The following MNS1 variants were observed in gnomAD, a reference collection of about 807,000 sequenced individuals.
MNS1 encodes the protein meiosis specific nuclear structural 1.
MNS1 carries 63 observed loss-of-function variants against 72.0 expected under a neutral mutation model. That is an observed-to-expected ratio of 0.87 (90% CI 0.71 to 1.08). MNS1 has a LOEUF of 1.08. MNS1 is among the 50% of genes least tolerant of loss of function. The pLI is 0.00. For missense variants in MNS1, 604 were observed against 562.4 expected, an observed-to-expected ratio of 1.07 and a Z score of -0.75; for synonymous variants, 188 against 172.1, an observed-to-expected ratio of 1.09 and a Z score of -0.72.
intron 7 of MNS1, among the ~76,000 whole-genome samples, chr15:56,436,790 A>G (rs2050733613): frequency 6.6e-6 from 1 of 152,200 alleles, no homozygotes; most frequent in South Asian, 2.1e-4. Context: ...CACAGATCCA[A>G]CGGAAATACT....
At chr15:56,451,305 G>A (rs2050945437) in intron 3 of MNS1, among the ~76,000 whole-genome samples, 2 of 152,286 alleles carry the variant, frequency 1.3e-5, no homozygotes, top group South Asian at 4.1e-4. Context: ...GTCCTGCATT[G>A]GGAACAAGGG....
chr15:56,429,292 A>C (rs1187067219), intron 9 of MNS1, 99 bp from the exon 10 acceptor site: 4 of 738,540 alleles, frequency 5.4e-6, no homozygotes, highest in East Asian at 2.8e-5. Flanking sequence ...GTTATCTCCA[A>C]GGTAATGAAA....
At chr15:56,455,649 G>T (rs1189558213) in intron 3 of MNS1, among the ~76,000 whole-genome samples, 1 of 152,154 alleles carries the variant, frequency 6.6e-6, no homozygotes, top group African/African-American at 2.4e-5. Context: ...TTCCTAAAAA[G>T]TAATTCGATC....
chr15:56,461,632 G>A (rs971203090), intron 2 of MNS1, among the ~76,000 whole-genome samples: 1 of 123,332 alleles, frequency 8.1e-6, no homozygotes, highest in African/African-American at 3.1e-5. Context: ...CTGCACTCCA[G>A]CCTGGGAGAC....
intron 5 of MNS1, among the ~76,000 whole-genome samples, 166 bp downstream of exon 5, chr15:56,444,278 A>G (rs1440093441): frequency 6.6e-6 from 1 of 152,042 alleles, no homozygotes; most frequent in Non-Finnish European, 1.5e-5. Context: ...AATTATGCTA[A>G]CGGAGATGAG....
At chr15:56,433,678 C>T (rs1453531682) in intron 8 of MNS1, among the ~76,000 whole-genome samples, 1 of 152,066 alleles carries the variant, frequency 6.6e-6, no homozygotes, top group East Asian at 1.9e-4. Flanking sequence ...TCACTTGAAT[C>T]GTCTTTCAAA....
intron 7 of MNS1, among the ~76,000 whole-genome samples, chr15:56,438,483 A>G (rs183214791): frequency 1.4e-3 from 219 of 152,324 alleles, no homozygotes; most frequent in Non-Finnish European, 2.7e-3. Context: ...CACCTTATAC[A>G]AAAATTAATT....
chr15:56,454,930 A>G (rs2050971127), intron 3 of MNS1, among the ~76,000 whole-genome samples: 1 of 152,176 alleles, frequency 6.6e-6, no homozygotes, highest in Non-Finnish European at 1.5e-5. Flanking sequence ...ACTAAAGTGC[A>G]CAAATCTTAA....
intron 7 of MNS1, among the ~76,000 whole-genome samples, chr15:56,439,375 C>T (rs534859842): frequency 6.6e-6 from 1 of 151,894 alleles, no homozygotes; most frequent in East Asian, 1.9e-4. Flanking sequence ...TATCAAAATC[C>T]CAGCAAAAAA....
intron 7 of MNS1, among the ~76,000 whole-genome samples, chr15:56,442,948 CCT>C (rs1290996744): frequency 1.4e-4 from 21 of 151,860 alleles, no homozygotes; most frequent in African/African-American, 4.4e-4. Flanking sequence ...TGTGGATTTG[CCT>C]CTTTCTCCTT....
At chr15:56,445,565 T>C (rs1279821620) in intron 4 of MNS1, 1 of 152,084 alleles carries the variant, frequency 6.6e-6, no homozygotes, top group African/African-American at 2.4e-5. Context: ...TCTGATTATC[T>C]TCTTTGTACA....
Position 56,464,246 on chromosome 15 carries a change from C to T in MNS1, c.5G>A (p.Gly2Asp), listed in dbSNP as rs746847536. 47 of 1,579,802 alleles carry T rather than the reference C, an allele frequency of 3.0e-5. 1 individual carries two copies. In the South Asian group the frequency reaches 5.3e-4, roughly 18 times the overall value. The change falls in exon 2 of 10, where the codon GGT becomes GAT. Residue 2 changes from glycine to aspartate, a missense_variant and splice_region_variant. Physicochemically the swap from Gly to Asp is moderately conservative, Grantham distance 94 (BLOSUM62 -1). Coordinates refer to ENST00000260453, the MANE Select transcript of MNS1 (RefSeq NM_018365.4). Reference protein sequence around the residue: MGSKRRNLSCSE... With the variant: MDSKRRNLSCSE... ...ACAGCTCAAATTTCTCCTTTTGGAA[C>T]CCTACGATGGAAGAAAAAAAAAGAT... is the stretch of plus-strand genomic sequence containing the variant.
At position 56,463,814 on chromosome 15, in the gene MNS1, G is replaced by C; in HGVS notation, c.225+212C>G. On this transcript the variant is annotated intron_variant, in intron 2 of 9. Transcript: ENST00000260453. Reference sequence around the variant, plus strand: ...AAAAAAGTAAAAGCAACTTACTCAAGGGTCCGTAGCTAAGGTATAGCAGTA... The same window carrying C: ...AAAAAAGTAAAAGCAACTTACTCAACGGTCCGTAGCTAAGGTATAGCAGTA... 4 of 492,540 alleles carry C rather than the reference G, an allele frequency of 8.1e-6. No homozygotes were observed. The East Asian group carries it at 9.9e-5, about 12-fold the overall frequency. 30.5% of individuals were successfully genotyped at this position (492,540 alleles called of 1,614,324 possible).
chr15:56,452,080 G>C (rs2050951197), intron 3 of MNS1, among the ~76,000 whole-genome samples: 1 of 151,990 alleles, frequency 6.6e-6, no homozygotes, highest in Admixed American at 6.6e-5. Context: ...CTTTCTACTT[G>C]TCTTCCCTGT....
chr15:56,444,276 T>C (rs2050869469), intron 5 of MNS1, among the ~76,000 whole-genome samples, 168 bp downstream of exon 5: 1 of 152,072 alleles, frequency 6.6e-6, no homozygotes, highest in Admixed American at 6.6e-5. Flanking sequence ...TTAATTATGC[T>C]AACGGAGATG....
At chr15:56,446,276 G>A (rs1329978916) in intron 4 of MNS1, among the ~76,000 whole-genome samples, 1 of 151,850 alleles carries the variant, frequency 6.6e-6, no homozygotes, top group Non-Finnish European at 1.5e-5. Flanking sequence ...TTAATTAACT[G>A]TTAATTCAGT....
rs576363039 is a variant in MNS1 at position 56,449,322 on chromosome 15, C to CT, written c.354-2380dup. 3.4e-4 allele frequency among the ~76,000 whole-genome samples: 51 copies of CT among 151,264 alleles called. 1 individual carries two copies. The East Asian group carries it at 0.01, about 30-fold the overall frequency. The stretch of plus-strand genomic sequence containing the variant: ...CCTTTTATCCCTAGCTTGCTACACT[C>CT]TTTTTATTAAATCATAGAGTGATGA... On this transcript the variant is annotated intron_variant, in intron 3 of 9. Coordinates refer to ENST00000260453, the MANE Select transcript of MNS1 (RefSeq NM_018365.4).
At chr15:56,461,975 G>GTTGTTTTTTTTTTTTTTTTTTTT (rs1555449789) in intron 2 of MNS1, among the ~76,000 whole-genome samples, 1 of 97,916 alleles carries the variant, frequency 1.0e-5, no homozygotes, top group African/African-American at 3.8e-5. Flanking sequence ...TTTTGTTGTT[G>GTTGTTTTTTTTTTTTTTTTTTTT]TTTTTTTTTT....
intron 1 of MNS1, 34 bp from the exon 2 acceptor site, chr15:56,464,281 G>C: frequency 6.9e-7 from 1 of 1,440,272 alleles, no homozygotes; most frequent in Non-Finnish European, 9.5e-7. Flanking sequence ...TGCATATTTT[G>C]ATATTCCAAA....
Sources: allele counts gnomAD v4.1 joint callset (sites outside exome capture counted in the v4.1 genomes callset), GRCh38; gene constraint gnomAD v4.1.1; transcripts MANE v1.5; gene names NCBI Gene and HGNC (gene_info 2026-07-23, HGNC 2026-07-21).